Variants in TRDN observed in about 807,000 individuals in gnomAD.
The protein encoded by TRDN is triadin, also known as triadin in skeletal muscle.
TRDN carries 161 observed loss-of-function variants against 149.7 expected under a neutral mutation model. The ratio of observed to expected loss-of-function variants is 1.08; its 90% CI spans 0.95 to 1.23. The LOEUF (loss-of-function observed/expected upper bound fraction) is 1.23. TRDN is among the 50% of genes most tolerant of loss of function. The pLI, the probability that TRDN is intolerant of heterozygous loss-of-function variation, is 0.00. For synonymous variants in TRDN, 294 were observed against 250.5 expected (o/e 1.17, Z -1.64); for missense variants, 896 against 823.5 (o/e 1.09, Z -1.08).
chr6:123,384,249 CA>C (rs1247797349), intron 14 of TRDN, among the ~76,000 whole-genome samples: 1 of 152,168 alleles, frequency 6.6e-6, no homozygotes, highest in East Asian at 1.9e-4. Flanking sequence ...TCTTATAACA[CA>C]ACAGCTTAAG....
rs185448249 is a variant in TRDN, at chr6:123,600,000, T to C, written c.23-28868A>G. ...CTGTTTATGTTTCCAGATCTCCCAT[T>C]AGAACATAAGCTCCTAGAAGCTTCT... is the stretch of plus-strand genomic sequence containing the variant. On this transcript the variant is annotated intron_variant, in intron 1 of 40. Coordinates refer to ENST00000334268, the MANE Select transcript of TRDN (RefSeq NM_006073.4). 4.4e-3 allele frequency among the ~76,000 whole-genome samples: 671 copies of C among 152,098 alleles called. 9 individuals carry two copies. The highest frequency in any genetic ancestry group is 0.015 in the African/African-American group (625 of 41,504).
intron 21 of TRDN, among the ~76,000 whole-genome samples, chr6:123,345,945 G>A (rs568288448): frequency 1.3e-5 from 2 of 152,002 alleles, no homozygotes; most frequent in African/African-American, 4.8e-5. Context: ...GAAGTTTTTG[G>A]AATTTTCTAC....
intron 10 of TRDN, among the ~76,000 whole-genome samples, chr6:123,440,106 G>A (rs910315330): frequency 1.3e-5 from 2 of 152,078 alleles, no homozygotes; most frequent in African/African-American, 2.4e-5. Context: ...ATTAAATAGA[G>A]GAATTAACTC....
chr6:123,344,096 C>A (rs1299219784), intron 21 of TRDN, among the ~76,000 whole-genome samples: 1 of 152,028 alleles, frequency 6.6e-6, no homozygotes, highest in Non-Finnish European at 1.5e-5. Flanking sequence ...TTTTAGGCTT[C>A]CAGCCTCCAG....
chr6:123,332,397 A>G (rs1366901251), intron 22 of TRDN, among the ~76,000 whole-genome samples: 1 of 152,088 alleles, frequency 6.6e-6, no homozygotes, highest in East Asian at 1.9e-4. Flanking sequence ...ACTTGAGAAT[A>G]AGACCAAAAT....
At chr6:123,502,004 C>T (rs998894615) in intron 8 of TRDN, 9 of 984,790 alleles carry the variant, frequency 9.1e-6, no homozygotes, top group Non-Finnish European at 1.1e-5. Flanking sequence ...AATACATTCA[C>T]ATTCCTAGTT....
intron 9 of TRDN, among the ~76,000 whole-genome samples, chr6:123,477,187 T>G (rs1381068958): frequency 7.4e-6 from 1 of 134,358 alleles, no homozygotes; most frequent in Non-Finnish European, 1.6e-5. Context: ...ATCCAGAATC[T>G]ACAATGAACT....
chr6:123,312,048 A>C (rs969576605), intron 24 of TRDN, among the ~76,000 whole-genome samples: 1 of 152,012 alleles, frequency 6.6e-6, no homozygotes, highest in Admixed American at 6.6e-5. Context: ...CAGATTTGGA[A>C]GAAGTAGTAC....
intron 24 of TRDN, among the ~76,000 whole-genome samples, chr6:123,312,823 G>A (rs1004439572): frequency 1.3e-5 from 2 of 151,918 alleles, no homozygotes; most frequent in African/African-American, 4.8e-5. Flanking sequence ...GATAGCTCAT[G>A]TCTATGTCCC....
At chr6:123,518,755 C>A (rs1779531683) in intron 5 of TRDN, among the ~76,000 whole-genome samples, 1 of 152,140 alleles carries the variant, frequency 6.6e-6, no homozygotes, top group South Asian at 2.1e-4. Context: ...TATTATCCCC[C>A]TCAGAAATGG....
chr6:123,528,586 T>C (rs538794933), intron 5 of TRDN: 7 of 962,152 alleles, frequency 7.3e-6, no homozygotes, highest in Non-Finnish European at 8.7e-6. Context: ...AATGCTTTGA[T>C]AATAACTTAA....
intron 21 of TRDN, among the ~76,000 whole-genome samples, chr6:123,345,210 T>A (rs1780206745): frequency 6.6e-6 from 1 of 152,048 alleles, no homozygotes; most frequent in African/African-American, 2.4e-5. Flanking sequence ...TTTGAGTTAA[T>A]TTTCTTGTGG....
chr6:123,268,606 C>T (rs775192021), intron 31 of TRDN, among the ~76,000 whole-genome samples: 1 of 151,978 alleles, frequency 6.6e-6, no homozygotes, highest in Non-Finnish European at 1.5e-5. Context: ...CTTTCCCTCA[C>T]TCTTGAATTT....
intron 2 of TRDN, among the ~76,000 whole-genome samples, chr6:123,552,584 T>G (rs1781452981): frequency 6.6e-6 from 1 of 152,158 alleles, no homozygotes; most frequent in East Asian, 1.9e-4. Context: ...GCCAACTATA[T>G]TGAAACAAAA....
intron 16 of TRDN, among the ~76,000 whole-genome samples, chr6:123,378,149 G>C (rs1781580700): frequency 6.6e-6 from 1 of 151,568 alleles, no homozygotes; most frequent in Non-Finnish European, 1.5e-5. Flanking sequence ...TTTTACAGAT[G>C]ATAAACCAGA....
chr6:123,219,376 G>A (rs1775061764), intron 40 of TRDN, among the ~76,000 whole-genome samples: 1 of 151,748 alleles, frequency 6.6e-6, no homozygotes, highest in South Asian at 2.1e-4. Context: ...TAGCAGCTTT[G>A]GTAAAAGATG....
intron 33 of TRDN, among the ~76,000 whole-genome samples, chr6:123,261,202 G>A (rs1776760510): frequency 6.6e-6 from 1 of 151,634 alleles, no homozygotes; most frequent in South Asian, 2.1e-4. Context: ...GGTTTTCTTA[G>A]TTACAAATTA....
chr6:123,299,513 T>G (rs2114666206), intron 24 of TRDN, among the ~76,000 whole-genome samples: 1 of 152,104 alleles, frequency 6.6e-6, no homozygotes, highest in Non-Finnish European at 1.5e-5. Context: ...TAAGATGTTT[T>G]GGGTTATTGA....
chr6:123,266,177 TTA>T (rs1373148964), intron 32 of TRDN, among the ~76,000 whole-genome samples: 36 of 89,318 alleles, frequency 4.0e-4, no homozygotes, highest in African/African-American at 1.3e-3. Flanking sequence ...GTATTATATA[TTA>T]TATATATTAT....
Sources: gnomAD v4.1 joint callset for allele counts (sites outside exome capture counted in the v4.1 genomes callset) on GRCh38, gnomAD v4.1.1 for gene constraint, MANE v1.5 for transcripts, NCBI Gene and HGNC (gene_info 2026-07-23, HGNC 2026-07-21) for gene names.